Variants in CCND3 observed in about 807,000 individuals in gnomAD.
CCND3 encodes the protein G1/S-specific cyclin-D3.
Under a neutral mutation model 28.7 loss-of-function variants are expected in CCND3, and 9 were observed. The ratio of observed to expected loss-of-function variants is 0.31; its 90% CI spans 0.19 to 0.55. CCND3 has a LOEUF of 0.55. CCND3 is among the 20% of genes least tolerant of loss of function. The pLI, the probability that CCND3 is intolerant of heterozygous loss-of-function variation, is 0.93. For missense variants in CCND3, 315 were observed against 385.8 expected (o/e 0.82, Z 1.54); for synonymous variants, 164 against 163.9 (o/e 1.00, Z 0.00).
At chr6:41,946,595 CA>C (rs35369019), upstream of CCND3, among the ~76,000 whole-genome samples, 100 of 20,924 alleles carry the variant, frequency 4.8e-3, no homozygotes, top group South Asian at 0.017. Flanking sequence ...AGACCTGTCT[CA>C]AAAAAAAAAA....
intron 1 of CCND3, among the ~76,000 whole-genome samples, chr6:42,035,922 C>G (rs892360039): frequency 3.3e-5 from 5 of 152,064 alleles, no homozygotes; most frequent in Admixed American, 3.3e-4. Context: ...GTGATCCCCC[C>G]ACCTCGGCCT....
chr6:41,966,533 C>T (rs752239759), intron 1 of CCND3, among the ~76,000 whole-genome samples: 1 of 152,164 alleles, frequency 6.6e-6, no homozygotes, highest in Non-Finnish European at 1.5e-5. Context: ...GAAACACATC[C>T]AGGGCTGAGA....
chr6:42,040,049 C>T (rs971838329), intron 1 of CCND3, among the ~76,000 whole-genome samples: 3 of 152,214 alleles, frequency 2.0e-5, no homozygotes, highest in African/African-American at 7.2e-5. Context: ...AACAGGGAAC[C>T]CAGTGTAATC....
intron 1 of CCND3, among the ~76,000 whole-genome samples, chr6:41,960,217 T>C (rs1416035366): frequency 1.3e-5 from 2 of 152,160 alleles, no homozygotes; most frequent in East Asian, 3.8e-4. Flanking sequence ...GATTCATGGT[T>C]GCCAGTGACT....
At chr6:41,978,371 CAA>C (rs575675626) in intron 1 of CCND3, among the ~76,000 whole-genome samples, 4 of 128,118 alleles carry the variant, frequency 3.1e-5, no homozygotes, top group Non-Finnish European at 3.3e-5. Context: ...GACTCCATCT[CAA>C]AAAAAAAAAA....
intron 1 of CCND3, among the ~76,000 whole-genome samples, chr6:41,978,483 C>T (rs1762243074): frequency 6.6e-6 from 1 of 151,968 alleles, no homozygotes; most frequent in South Asian, 2.1e-4. Flanking sequence ...TTGCAATGAG[C>T]CGAGAGTGTG....
chr6:41,986,766 C>T (rs1457635958), intron 1 of CCND3, among the ~76,000 whole-genome samples: 1 of 151,850 alleles, frequency 6.6e-6, no homozygotes, highest in South Asian at 2.1e-4. Context: ...TTTGTCTTAC[C>T]CAATTGCTCT....
rs1193299179 is a variant in CCND3 at position 41,939,825 on chromosome 6, A to G, written c.414+545T>C. Among the ~76,000 whole-genome samples the G allele has an allele frequency of 6.6e-6, 1 of 152,212 alleles. No homozygotes were observed. The highest frequency in any genetic ancestry group is 1.9e-4 in the East Asian group (1 of 5,196). ...TTTCTTCCGGGATATAAGAGGAAGC[A>G]AAGAAGGTGGGATGAAATACATCAG... is the stretch of plus-strand genomic sequence containing the variant. On this transcript the variant is annotated intron_variant, in intron 2 of 4. Coordinates refer to ENST00000372991, the MANE Select transcript of CCND3 (RefSeq NM_001760.5). This position sits in a 1 kb window ranked among gnomAD's most constrained non-coding sequence, Gnocchi z 4.2.
chr6:42,041,076 T>G (rs115968981), intron 1 of CCND3, among the ~76,000 whole-genome samples: 1,603 of 152,302 alleles, frequency 0.011, 29 homozygotes, highest in African/African-American at 0.037. Context: ...GCCATGTGTC[T>G]GGGAACACAT....
chr6:41,962,908 A>G (rs1339158714), intron 1 of CCND3, among the ~76,000 whole-genome samples: 3 of 152,094 alleles, frequency 2.0e-5, no homozygotes, highest in African/African-American at 7.2e-5. Flanking sequence ...GTGCCACCAT[A>G]TGCCCAGCTA....
At position 42,048,313 on chromosome 6, in the gene CCND3, T is replaced by G; in HGVS notation, c.-46+188A>C. On this transcript the variant is annotated intron_variant, in intron 1 of 4. Transcript: ENST00000372988. This position sits in a 1 kb window ranked among gnomAD's most constrained non-coding sequence, Gnocchi z 4.7. ...CAGAGGGCTCAGGGCCTTTGGGGGTTTCTCTGCCCTTCAATTCCGTGCAGA... is the reference window on the plus strand; with the variant it reads ...CAGAGGGCTCAGGGCCTTTGGGGGTGTCTCTGCCCTTCAATTCCGTGCAGA... The G allele has an allele frequency of 6.3e-6, 2 of 317,206 alleles. No individual in the cohort carries two copies. The highest frequency in any genetic ancestry group is 4.9e-5 in the South Asian group (2 of 41,080). 19.6% of individuals were successfully genotyped at this position (317,206 alleles called of 1,614,324 possible). A position where few individuals can be genotyped will look rare whatever the true frequency, so the allele number is the denominator to read the frequency against.
In CCND3 at chr6:41,940,651, A is replaced by G. The variant is rs936549723; in HGVS notation, c.199-66T>C. The G allele has an allele frequency of 5.3e-6, 6 of 1,133,266 alleles. No individual in the cohort carries two copies. The South Asian group carries it at 7.4e-5, about 14-fold the overall frequency. The allele number at this position is 1,133,266 out of a possible 1,614,324, so 70.2% of individuals were successfully genotyped here. A position where few individuals can be genotyped will look rare whatever the true frequency, so the allele number is the denominator to read the frequency against. ...GGGAACACAGCAGCGGGGGGGTGGGAGCGCTGAAGTGAGGTGGGATAGGGA... is the reference window on the plus strand; with the variant it reads ...GGGAACACAGCAGCGGGGGGGTGGGGGCGCTGAAGTGAGGTGGGATAGGGA... On this transcript the variant is annotated intron_variant, in intron 1 of 4. Transcript: ENST00000372991.
chr6:42,023,257 T>G (rs1763765899), intron 1 of CCND3, among the ~76,000 whole-genome samples: 1 of 152,186 alleles, frequency 6.6e-6, no homozygotes, highest in African/African-American at 2.4e-5. Flanking sequence ...TTTGTTGATT[T>G]CGCTGTTTGA....
chr6:41,939,220 G>T lies in CCND3; in HGVS notation c.414+1150C>A, dbSNP rs1195982468. Among the ~76,000 whole-genome samples, 1 of 152,032 alleles carries T rather than the reference G, an allele frequency of 6.6e-6. No homozygotes were observed. The highest frequency in any genetic ancestry group is 2.4e-5 in the African/African-American group (1 of 41,396). On this transcript the variant is annotated intron_variant, in intron 2 of 4. Transcript: ENST00000372991. This position sits in a 1 kb window ranked among gnomAD's most constrained non-coding sequence, Gnocchi z 4.2. ...GGCAGGAAGAGGAATCCTGTTCCTC[G>T]ACTCACAGCAGTCGGGGGCCCCAGT...
chr6:41,998,317 C>T (rs1051175235), intron 1 of CCND3, among the ~76,000 whole-genome samples: 1 of 150,010 alleles, frequency 6.7e-6, no homozygotes, highest in African/African-American at 2.4e-5. Context: ...TTTCAAGTGA[C>T]CATTTTCTTT....
intron 1 of CCND3, among the ~76,000 whole-genome samples, chr6:42,038,870 T>C (rs1764298060): frequency 6.6e-6 from 1 of 152,228 alleles, no homozygotes; most frequent in Admixed American, 6.5e-5. Context: ...AAGAAATTCC[T>C]GGTTAACCCA....
At chr6:41,972,897 T>A (rs9381103) in intron 1 of CCND3, among the ~76,000 whole-genome samples, 27,673 of 149,038 alleles carry the variant, frequency 0.19, 3,022 homozygotes, top group Non-Finnish European at 0.24. Context: ...ATTAAAAATA[T>A]ATATATATAT....
At chr6:41,954,537 G>A (rs1776394248) in intron 1 of CCND3, among the ~76,000 whole-genome samples, 1 of 143,556 alleles carries the variant, frequency 7.0e-6, no homozygotes, top group Non-Finnish European at 1.5e-5. Context: ...GGGTGACAGA[G>A]CAAGACTCTG....
chr6:41,974,723 C>G (rs1002242837), intron 1 of CCND3, among the ~76,000 whole-genome samples: 12 of 151,538 alleles, frequency 7.9e-5, no homozygotes, highest in African/African-American at 2.9e-4. Flanking sequence ...AATTTAACCC[C>G]AAAAGGGGGA....
Sources: gnomAD v4.1 joint callset for allele counts (sites outside exome capture counted in the v4.1 genomes callset) on GRCh38, gnomAD v4.1.1 for gene constraint, Gnocchi (gnomAD v3.1) non-coding constraint, MANE v1.5 for transcripts, NCBI Gene and HGNC (gene_info 2026-07-23, HGNC 2026-07-21) for gene names.